Variants in RCL1 observed in about 807,000 individuals in gnomAD.
RCL1 encodes the protein RNA terminal phosphate cyclase like 1.
RCL1 carries 24 observed loss-of-function variants against 42.4 expected under a neutral mutation model. The observed-to-expected ratio is 0.57, with a 90% confidence interval of 0.41 to 0.80. The LOEUF is 0.80. RCL1 is among the 30% of genes least tolerant of loss of function. RCL1 has a pLI of 0.00. For synonymous variants in RCL1, 228 were observed against 177.3 expected (o/e 1.29, Z -2.27); for missense variants, 578 against 467.9 (o/e 1.24, Z -2.17).
rs753003436 is a variant in RCL1, at chr9:4,860,349, C to T, written c.*74C>T. On this transcript the variant is annotated 3_prime_UTR_variant, in exon 9 of 9. Coordinates refer to ENST00000381750, the MANE Select transcript of RCL1 (RefSeq NM_005772.5). The stretch of plus-strand genomic sequence containing the variant: ...GCCACGGACACCAATGGGACCAAGT[C>T]CAAATGGATTAATCCAGGACAGAAT... 200 of 1,496,936 alleles carry T rather than the reference C, an allele frequency of 1.3e-4. No individual in the cohort carries two copies. The highest frequency in any genetic ancestry group is 1.7e-4 in the Non-Finnish European group (191 of 1,103,638). The allele number at this position is 1,496,936 out of a possible 1,614,324, so 92.7% of individuals were successfully genotyped here. A position where few individuals can be genotyped will look rare whatever the true frequency, so the allele number is the denominator to read the frequency against.
chr9:4,828,151 G>C (rs1439895124), intron 3 of RCL1, among the ~76,000 whole-genome samples: 1 of 144,966 alleles, frequency 6.9e-6, no homozygotes, highest in Non-Finnish European at 1.5e-5. Context: ...GGGCAACAGA[G>C]CGAGACTCCG....
chr9:4,813,753 G>A (rs1239444428), intron 1 of RCL1, among the ~76,000 whole-genome samples: 5 of 152,194 alleles, frequency 3.3e-5, no homozygotes, highest in African/African-American at 7.2e-5. Flanking sequence ...GTTTATTGCG[G>A]CACTATTCAC....
chr9:4,824,262 C>G (rs1200287159), intron 2 of RCL1, among the ~76,000 whole-genome samples: 1 of 152,136 alleles, frequency 6.6e-6, no homozygotes, highest in Non-Finnish European at 1.5e-5. Context: ...CCTCTTTCCT[C>G]TTCCATTCCC....
intron 1 of RCL1, 97 bp from the exon 2 acceptor site, chr9:4,823,451 A>G (rs1474996010): frequency 3.3e-6 from 3 of 912,438 alleles, no homozygotes; most frequent in Non-Finnish European, 5.1e-6. Flanking sequence ...CCTGCCCTCT[A>G]CCACAGTACC....
At chr9:4,812,452 C>T (rs115549106) in intron 1 of RCL1, among the ~76,000 whole-genome samples, 447 of 152,010 alleles carry the variant, frequency 2.9e-3, no homozygotes, top group African/African-American at 9.6e-3. Flanking sequence ...GAAATAGAGA[C>T]GAGGTTTCAC....
At chr9:4,819,388 A>G (rs1255032683) in intron 1 of RCL1, among the ~76,000 whole-genome samples, 1 of 152,248 alleles carries the variant, frequency 6.6e-6, no homozygotes, top group Non-Finnish European at 1.5e-5. Context: ...TTTGAATTAA[A>G]CAGTGTTACT....
intron 2 of RCL1, among the ~76,000 whole-genome samples, chr9:4,825,624 T>G (rs1470093624): frequency 1.3e-5 from 2 of 152,256 alleles, no homozygotes; most frequent in Non-Finnish European, 2.9e-5. Context: ...AATATATTTT[T>G]GGTAAATTGT....
At chr9:4,809,779 T>G (rs1212984891) in intron 1 of RCL1, among the ~76,000 whole-genome samples, 1 of 152,190 alleles carries the variant, frequency 6.6e-6, no homozygotes, top group East Asian at 1.9e-4. Flanking sequence ...ATGGCTTTTC[T>G]GTGTCATGAA....
rs148074533 is a variant in RCL1 at position 4,834,165 on chromosome 9, G to A, written c.484G>A (p.Gly162Arg). The change falls in exon 5 of 9, where the codon GGA becomes AGA. Residue 162 changes from glycine (G) to arginine (R), a missense_variant. Transcript: ENST00000381750. ...GATTGTGCGACGGGGAATGCCTCCCGGAGGAGGAGGCGAAGTGGTTTTCTC... is the reference window on the plus strand; with the variant it reads ...GATTGTGCGACGGGGAATGCCTCCCAGAGGAGGAGGCGAAGTGGTTTTCTC... ...LKIVRRGMPP[G>R]GGGEVVFSCP... The A allele has an allele frequency of 3.2e-5, 51 of 1,607,508 alleles. No individual in the cohort carries two copies. Among genetic ancestry groups the A allele is most frequent in the African/African-American group, 6.7e-5 (5 of 74,136 alleles).
chr9:4,806,506 C>T (rs1303042243), intron 1 of RCL1, among the ~76,000 whole-genome samples: 2 of 150,800 alleles, frequency 1.3e-5, no homozygotes, highest in Non-Finnish European at 2.9e-5. Context: ...TCTTCTTCAG[C>T]CTATAAATAT....
At position 4,805,400 on chromosome 9, in the gene RCL1, A is replaced by G. The variant is rs75905329; in HGVS notation, c.136+12173A>G. On this transcript the variant is annotated intron_variant, in intron 1 of 8. Coordinates refer to ENST00000381750, the MANE Select transcript of RCL1 (RefSeq NM_005772.5). ...CCTGTCTCTAAAAAGAAGAAGAAGG[A>G]GAAGGGGAAGGGGAAGGGGAAGGCC... Among the ~76,000 whole-genome samples, 12 of 150,254 alleles carry G rather than the reference A, an allele frequency of 8.0e-5. No homozygotes were observed. In the East Asian group the frequency reaches 9.9e-4, roughly 12 times the overall value.
chr9:4,815,234 T>C (rs191780940), intron 1 of RCL1, among the ~76,000 whole-genome samples: 230 of 152,286 alleles, frequency 1.5e-3, no homozygotes, highest in African/African-American at 5.3e-3. Flanking sequence ...CCTGGAACTT[T>C]CATAACATGA....
At chr9:4,848,526 C>G (rs559307964) in intron 7 of RCL1, among the ~76,000 whole-genome samples, 157 of 152,316 alleles carry the variant, frequency 1.0e-3, no homozygotes, top group African/African-American at 3.5e-3. Context: ...TGGATAGTAA[C>G]GTGCCTTGGT....
chr9:4,844,045 G>A (rs186252650), intron 6 of RCL1, among the ~76,000 whole-genome samples: 1 of 152,216 alleles, frequency 6.6e-6, no homozygotes, highest in East Asian at 1.9e-4. Context: ...TCTAAGGACT[G>A]ACTAACATAG....
intron 1 of RCL1, among the ~76,000 whole-genome samples, chr9:4,814,485 C>T (rs528396978): frequency 6.6e-6 from 1 of 152,166 alleles, no homozygotes; most frequent in African/African-American, 2.4e-5. Context: ...CCAGGCTGGT[C>T]GCCAACTCCT....
At chr9:4,858,808 G>A (rs1304955290) in intron 8 of RCL1, among the ~76,000 whole-genome samples, 1 of 152,190 alleles carries the variant, frequency 6.6e-6, no homozygotes, top group East Asian at 1.9e-4. Context: ...AGACAGTACA[G>A]TGCGAGGTTT....
intron 1 of RCL1, among the ~76,000 whole-genome samples, chr9:4,798,738 G>C (rs1330562023): frequency 6.6e-6 from 1 of 152,184 alleles, no homozygotes; most frequent in Non-Finnish European, 1.5e-5. Context: ...TGGACAACTG[G>C]TTTTGGGGCG....
intron 5 of RCL1, among the ~76,000 whole-genome samples, chr9:4,840,384 CA>C (rs1817276845): frequency 6.6e-6 from 1 of 151,700 alleles, no homozygotes; most frequent in African/African-American, 2.4e-5. Flanking sequence ...CCATACATTG[CA>C]CATTGAAGTG....
chr9:4,810,637 C>T (rs1412932801), intron 1 of RCL1, among the ~76,000 whole-genome samples: 1 of 132,750 alleles, frequency 7.5e-6, no homozygotes, highest in African/African-American at 3.1e-5. Context: ...TATTCTTGTA[C>T]AGTCTTTTGT....
Sources: gnomAD v4.1 joint callset for allele counts (sites outside exome capture counted in the v4.1 genomes callset) on GRCh38, gnomAD v4.1.1 for gene constraint, MANE v1.5 for transcripts, NCBI Gene and HGNC (gene_info 2026-07-23, HGNC 2026-07-21) for gene names.